The following DPP4 variants were observed in gnomAD, a reference collection of about 807,000 sequenced individuals.
DPP4 encodes the protein dipeptidyl peptidase 4.
In DPP4, 93 loss-of-function variants were observed where a neutral mutation model predicts 122.4. That is an observed-to-expected ratio of 0.76 (90% CI 0.64 to 0.90). The LOEUF (loss-of-function observed/expected upper bound fraction) is 0.90, where lower values mean the gene tolerates loss of function less well. DPP4 is among the 40% of genes least tolerant of loss of function. The pLI, the probability that DPP4 is intolerant of heterozygous loss-of-function variation, is 0.00. For missense variants in DPP4, 914 were observed against 907.3 expected (o/e 1.01, Z -0.09); for synonymous variants, 321 against 302.9 (o/e 1.06, Z -0.62).
chr2:162,031,547 G>A (rs1040850384), intron 10 of DPP4, among the ~76,000 whole-genome samples: 2 of 152,150 alleles, frequency 1.3e-5, no homozygotes, highest in African/African-American at 2.4e-5. Context: ...ACCAGGCTCT[G>A]CTGGTCTTCT....
chr2:162,068,337 C>T (rs754833660), intron 2 of DPP4, among the ~76,000 whole-genome samples: 1 of 152,196 alleles, frequency 6.6e-6, no homozygotes, highest in African/African-American at 2.4e-5. Flanking sequence ...TACAAGCTGA[C>T]AGAATGATAT....
At chr2:162,055,098 A>G (rs978307780) in intron 2 of DPP4, among the ~76,000 whole-genome samples, 4 of 152,254 alleles carry the variant, frequency 2.6e-5, no homozygotes, top group African/African-American at 9.6e-5. Flanking sequence ...AAGTTTCACT[A>G]CGTTCATAAT....
At chr2:162,070,133 C>T (rs1685066908) in intron 2 of DPP4, among the ~76,000 whole-genome samples, 1 of 152,110 alleles carries the variant, frequency 6.6e-6, no homozygotes. Flanking sequence ...CTTGGGGAAA[C>T]TGAATGCTTA....
intron 7 of DPP4, 97 bp downstream of exon 7, chr2:162,038,852 G>T (rs1683883138): frequency 9.5e-7 from 1 of 1,053,716 alleles, no homozygotes; most frequent in Non-Finnish European, 1.5e-6. Flanking sequence ...GTGAAGTATT[G>T]AGTTCCTAAG....
rs200430209 is a variant in DPP4 at position 162,008,646 on chromosome 2, C to T, written c.1903G>A (p.Val635Ile). 125 of 1,613,500 alleles carry T rather than the reference C, an allele frequency of 7.7e-5. No individual in the cohort carries two copies. In the African/African-American group the frequency reaches 1.5e-3, roughly 19 times the overall value. ...CCCGATCCCAGGACCATTGAGGTTA[C>T]GTACCCTCCATATGACTAAGGAATG... Reference protein sequence around the residue: ...AIWGWSYGGYVTSMVLGSGSG... With the variant: ...AIWGWSYGGYITSMVLGSGSG... Residue 635 changes from valine to isoleucine, a missense_variant, in exon 22 of 26, where the codon GTA (valine) becomes ATA (isoleucine). Coordinates refer to ENST00000360534, the MANE Select transcript of DPP4 (RefSeq NM_001935.4).
At chr2:162,046,415 C>G (rs1332056886) in intron 4 of DPP4, among the ~76,000 whole-genome samples, 1 of 152,094 alleles carries the variant, frequency 6.6e-6, no homozygotes, top group Admixed American at 6.5e-5. Context: ...TTTACCAATA[C>G]TGGGAACTCA....
Position 162,018,755 on chromosome 2 carries a change from G to A in DPP4, c.1394C>T (p.Ala465Val), listed in dbSNP as rs1355424702. Residue 465 changes from alanine (A) to valine (V), a missense_variant, in exon 16 of 26, where the codon GCG (alanine) becomes GTG (valine). Ala to Val is a moderately conservative substitution (Grantham distance 64, BLOSUM62 0). Coordinates refer to ENST00000360534, the MANE Select transcript of DPP4 (RefSeq NM_001935.4). ...GGAACATCTCAGCTGATAATACTTC[G>A]CCTCTTTACTGAATGACACAGAATA... ...QYYSVSFSKE[A>V]KYYQLRCSGP... 1 of 1,613,928 alleles carries A rather than the reference G, an allele frequency of 6.2e-7. No homozygotes were observed. Among genetic ancestry groups the A allele is most frequent in the East Asian group, 2.2e-5 (1 of 44,880 alleles).
At chr2:162,052,366 G>A (rs1351750704) in intron 2 of DPP4, among the ~76,000 whole-genome samples, 4 of 150,688 alleles carry the variant, frequency 2.7e-5, no homozygotes, top group Admixed American at 2.0e-4. Context: ...GCGCTGGAGG[G>A]AACTCGCTGC....
At chr2:162,012,947 A>G (rs138371645) in intron 19 of DPP4, among the ~76,000 whole-genome samples, 1 of 152,242 alleles carries the variant, frequency 6.6e-6, no homozygotes, top group Non-Finnish European at 1.5e-5. Context: ...GTTTTAAACA[A>G]AACACTATAA....
chr2:162,017,533 C>T (rs1227127527), intron 16 of DPP4: 6 of 180,462 alleles, frequency 3.3e-5, no homozygotes, highest in Non-Finnish European at 6.9e-5. Context: ...TCAGGCTCTG[C>T]CCAGGTGGGC....
intron 2 of DPP4, among the ~76,000 whole-genome samples, chr2:162,066,780 G>C (rs149797913): frequency 6.6e-6 from 1 of 152,194 alleles, no homozygotes; most frequent in Non-Finnish European, 1.5e-5. Context: ...AGGTGAAGGG[G>C]AGGCTGGCAT....
Position 162,035,216 on chromosome 2 carries a change from TAGA to T in DPP4, c.719_721del (p.Phe240del), listed in dbSNP as rs747663804. 39 of 1,613,770 alleles carry T rather than the reference TAGA, an allele frequency of 2.4e-5. No homozygotes were observed. Among genetic ancestry groups the T allele is most frequent in the Non-Finnish European group, 3.2e-5 (38 of 1,179,962 alleles). On this transcript the variant is annotated inframe_deletion, in exon 9 of 26. Coordinates refer to ENST00000360534, the MANE Select transcript of DPP4 (RefSeq NM_001935.4). ...TGGGTACTGCAGTGACTCATCAGAG[TAGA>T]AGGAGTATTCAATAAGTGGGACTTC...
At chr2:162,039,444 G>A (rs1270899173) in intron 5 of DPP4, among the ~76,000 whole-genome samples, 1 of 152,036 alleles carries the variant, frequency 6.6e-6, no homozygotes, top group South Asian at 2.1e-4. Context: ...ATGTCATTTT[G>A]TACAAACATT....
At chr2:162,000,940 T>C (rs542506027) in intron 23 of DPP4, among the ~76,000 whole-genome samples, 1 of 152,254 alleles carries the variant, frequency 6.6e-6, no homozygotes, top group African/African-American at 2.4e-5. Context: ...CCTTCTTCTG[T>C]TATCCCTCAG....
intron 8 of DPP4, among the ~76,000 whole-genome samples, chr2:162,035,713 C>T (rs889361138): frequency 3.3e-5 from 5 of 152,176 alleles, no homozygotes; most frequent in African/African-American, 1.2e-4. Flanking sequence ...CTCTCCCCAA[C>T]TGGGCTCAGT....
At chr2:162,030,554 C>G (rs945407847) in intron 10 of DPP4, among the ~76,000 whole-genome samples, 3 of 152,198 alleles carry the variant, frequency 2.0e-5, no homozygotes, top group Admixed American at 6.5e-5. Context: ...AGGTAACAGG[C>G]TGAGCAGGTT....
chr2:162,022,893 A>G (rs1683185242), intron 11 of DPP4, 94 bp from the exon 12 acceptor site: 1 of 1,223,088 alleles, frequency 8.2e-7, no homozygotes, highest in Non-Finnish European at 1.2e-6. Flanking sequence ...AGCTGTACTT[A>G]TAATAACTGA....
At chr2:162,073,558 T>C in intron 1 of DPP4, 72 bp from the exon 2 acceptor site, 1 of 1,476,820 alleles carries the variant, frequency 6.8e-7, no homozygotes. Flanking sequence ...GGGTCGGGGC[T>C]GCTCCAGAGG....
chr2:162,001,689 C>G (rs138781953), intron 23 of DPP4, among the ~76,000 whole-genome samples: 2 of 152,148 alleles, frequency 1.3e-5, no homozygotes, highest in African/African-American at 4.8e-5. Context: ...GAGCCCACTC[C>G]ACAAGGTGTG....
Sources: allele counts gnomAD v4.1 joint callset (sites outside exome capture counted in the v4.1 genomes callset), GRCh38; gene constraint gnomAD v4.1.1; transcripts MANE v1.5; gene names NCBI Gene and HGNC (gene_info 2026-07-23, HGNC 2026-07-21).